The following RIMS1 variants were observed in gnomAD, a reference collection of about 807,000 sequenced individuals.
The protein encoded by RIMS1 is regulating synaptic membrane exocytosis protein 1.
RIMS1 carries 83 observed loss-of-function variants against 214.1 expected under a neutral mutation model. The observed-to-expected ratio is 0.39, with a 90% CI of 0.32 to 0.47. The LOEUF (loss-of-function observed/expected upper bound fraction) is 0.47. Ranked by LOEUF, RIMS1 falls within the 20% of genes least tolerant of loss-of-function variation. The probability of loss-of-function intolerance (pLI) is 0.99; values close to 1 mark genes in which losing one functional copy is unlikely to be tolerated. For synonymous variants in RIMS1, 793 were observed against 786.8 expected, an observed-to-expected ratio of 1.01 and a Z score of -0.13; for missense variants, 2,050 against 2,161.8, an observed-to-expected ratio of 0.95 and a Z score of 1.03.
intron 1 of RIMS1, among the ~76,000 whole-genome samples, chr6:71,893,191 ATCCTT>A (rs1167178687): frequency 5.9e-5 from 9 of 152,188 alleles, no homozygotes; most frequent in Non-Finnish European, 2.9e-5. Flanking sequence ...GAGCCCACCT[ATCCTT>A]TCATGCTAGC....
chr6:71,974,387 C>G (rs1308279762), intron 2 of RIMS1, among the ~76,000 whole-genome samples: 4 of 152,174 alleles, frequency 2.6e-5, no homozygotes, highest in African/African-American at 9.6e-5. Context: ...GGACAGTTAT[C>G]TAATTTGGAG....
At chr6:72,016,207 G>A (rs1455110316) in intron 2 of RIMS1, among the ~76,000 whole-genome samples, 1 of 152,032 alleles carries the variant, frequency 6.6e-6, no homozygotes, top group Non-Finnish European at 1.5e-5. Flanking sequence ...TTAGTTTGCT[G>A]GTAATTTGTT....
At chr6:72,164,700 T>C (rs1051510878) in intron 4 of RIMS1, among the ~76,000 whole-genome samples, 3 of 152,214 alleles carry the variant, frequency 2.0e-5, no homozygotes, top group African/African-American at 7.2e-5. Context: ...ATAGATTATG[T>C]GGCTTGAAAA....
intron 1 of RIMS1, among the ~76,000 whole-genome samples, chr6:71,953,510 GA>G (rs1016257948): frequency 6.6e-6 from 1 of 152,102 alleles, no homozygotes; most frequent in African/African-American, 2.4e-5. Context: ...AAGCAGGGGG[GA>G]AAAAGCATTA....
chr6:72,281,961 GT>G (rs1267405720), intron 23 of RIMS1, among the ~76,000 whole-genome samples: 6 of 150,652 alleles, frequency 4.0e-5, no homozygotes, highest in Non-Finnish European at 8.9e-5. Context: ...AGAGAATTGT[GT>G]TTTTTTTTCC....
At chr6:71,989,665 T>A (rs1446087532) in intron 2 of RIMS1, among the ~76,000 whole-genome samples, 1 of 152,232 alleles carries the variant, frequency 6.6e-6, no homozygotes, top group Non-Finnish European at 1.5e-5. Context: ...TTGGTCGTAA[T>A]CATTGATCGA....
chr6:72,016,991 A>G (rs1812974606), intron 2 of RIMS1, among the ~76,000 whole-genome samples: 1 of 152,178 alleles, frequency 6.6e-6, no homozygotes, highest in Admixed American at 6.5e-5. Flanking sequence ...GACATAACTA[A>G]AATATTTCAT....
At chr6:72,308,738 T>C (rs2746200) in intron 27 of RIMS1, among the ~76,000 whole-genome samples, 69,784 of 151,786 alleles carry the variant, frequency 0.46, 16,590 homozygotes, top group Non-Finnish European at 0.52. Context: ...TCAGTGATGC[T>C]CAACTCCCTA....
chr6:72,186,989 G>A (rs2153975806), intron 6 of RIMS1, among the ~76,000 whole-genome samples: 2 of 152,290 alleles, frequency 1.3e-5, no homozygotes, highest in Middle Eastern at 3.4e-3. Flanking sequence ...AAATTAGCCA[G>A]GTGTGGTGGC....
In RIMS1 at chr6:72,248,091, A is replaced by G. The variant is rs1259720716; in HGVS notation, c.2205A>G (p.Leu735=). 2 of 1,612,890 alleles carry G rather than the reference A, an allele frequency of 1.2e-6. No individual in the cohort carries two copies. The highest frequency in any genetic ancestry group is 1.3e-5 in the African/African-American group (1 of 74,990). Residue 735 remains leucine (L), a synonymous_variant, in exon 12 of 34, where the codon CTA becomes CTG. Transcript: ENST00000521978. ...SVISPTSPGA[L]KDAPQVLPGQ... Reference sequence around the variant, plus strand: ...TTTCTCCAACAAGTCCTGGAGCTCTAAAAGATGCCCCACAAGTCTTACCAG... The same window carrying G: ...TTTCTCCAACAAGTCCTGGAGCTCTGAAAGATGCCCCACAAGTCTTACCAG...
chr6:72,122,067 G>A (rs1048998279), intron 4 of RIMS1, among the ~76,000 whole-genome samples: 1 of 151,774 alleles, frequency 6.6e-6, no homozygotes, highest in African/African-American at 2.4e-5. Flanking sequence ...GTATTTTATT[G>A]AGGAATTTTC....
intron 2 of RIMS1, among the ~76,000 whole-genome samples, chr6:72,089,826 A>G (rs1835702401): frequency 6.8e-6 from 1 of 145,996 alleles, no homozygotes; most frequent in Non-Finnish European, 1.5e-5. Flanking sequence ...ACACCATGGA[A>G]TACTATGCAG....
At chr6:72,080,573 A>G (rs1224815626) in intron 2 of RIMS1, among the ~76,000 whole-genome samples, 3 of 152,200 alleles carry the variant, frequency 2.0e-5, no homozygotes, top group Non-Finnish European at 4.4e-5. Context: ...ATGGCTTCCC[A>G]TTCACCCAGA....
intron 2 of RIMS1, among the ~76,000 whole-genome samples, chr6:72,000,733 A>G (rs1287934328): frequency 1.3e-5 from 2 of 152,130 alleles, no homozygotes; most frequent in African/African-American, 2.4e-5. Flanking sequence ...ACTCTGTTTT[A>G]TGTTTATTGT....
chr6:72,103,466 A>G (rs954645968), intron 4 of RIMS1, among the ~76,000 whole-genome samples: 3 of 152,088 alleles, frequency 2.0e-5, no homozygotes, highest in Non-Finnish European at 4.4e-5. Flanking sequence ...CAGTTATAAA[A>G]TCTGTTTCAA....
chr6:72,302,289 A>G (rs540748859), intron 26 of RIMS1, among the ~76,000 whole-genome samples: 3 of 151,608 alleles, frequency 2.0e-5, no homozygotes, highest in Non-Finnish European at 4.4e-5. Flanking sequence ...CTATTTCTCT[A>G]AAGTCTAAAA....
intron 1 of RIMS1, among the ~76,000 whole-genome samples, chr6:71,960,101 T>C (rs1792485313): frequency 1.3e-5 from 2 of 152,202 alleles, no homozygotes; most frequent in Admixed American, 1.3e-4. Flanking sequence ...CATCTTGTTT[T>C]ACTGAATTTA....
chr6:71,944,383 C>T (rs57997975), intron 1 of RIMS1, among the ~76,000 whole-genome samples: 1,701 of 152,268 alleles, frequency 0.011, 35 homozygotes, highest in African/African-American at 0.039. Context: ...AGCCTCCTAC[C>T]TGGGGCACAG....
chr6:71,978,300 T>G lies in RIMS1; in HGVS notation c.245+9237T>G, dbSNP rs142038410. ...GAATACTTTAGAAATCTCACTTGTA[T>G]TACTGTAGGTATACTTATATAGCAC... On this transcript the variant is annotated intron_variant, in intron 2 of 33. Transcript: ENST00000521978. Among the ~76,000 whole-genome samples the G allele has an allele frequency of 9.8e-4, 149 of 152,288 alleles. 1 individual carries two copies. The highest frequency in any genetic ancestry group is 3.5e-3 in the African/African-American group (147 of 41,570).
Sources: gnomAD v4.1 joint callset for allele counts (sites outside exome capture counted in the v4.1 genomes callset) on GRCh38, gnomAD v4.1.1 for gene constraint, MANE v1.5 for transcripts, NCBI Gene and HGNC (gene_info 2026-07-23, HGNC 2026-07-21) for gene names.